Variants in PHF21A observed in about 807,000 individuals in gnomAD.
PHF21A encodes the protein PHD finger protein 21A, also known as BHC80a.
In PHF21A, 11 loss-of-function variants were observed where a neutral mutation model predicts 82.5. The ratio of observed to expected loss-of-function variants is 0.13; its 90% confidence interval spans 0.08 to 0.22. The LOEUF (loss-of-function observed/expected upper bound fraction) is 0.22, where lower values mean the gene tolerates loss of function less well. Among genes scored for constraint, PHF21A ranks in the 10% least tolerant of loss-of-function variants. PHF21A has a pLI of 1.00. For missense variants in PHF21A, 579 were observed against 837.8 expected (o/e 0.69, Z 3.81); for synonymous variants, 297 against 302.8 (o/e 0.98, Z 0.20).
At chr11:46,041,186 C>T (rs529714237) in intron 6 of PHF21A, among the ~76,000 whole-genome samples, 1 of 152,198 alleles carries the variant, frequency 6.6e-6, no homozygotes, top group South Asian at 2.1e-4. Context: ...AATACAGAAG[C>T]GGAAATAGTC....
chr11:45,981,940 CTTTTT>C (rs754937092), intron 6 of PHF21A, among the ~76,000 whole-genome samples: 91 of 78,278 alleles, frequency 1.2e-3, no homozygotes, highest in African/African-American at 4.1e-3. Context: ...TTTTGTTTTT[CTTTTT>C]TTTTTTTTTT....
In PHF21A at chr11:45,949,368, C is replaced by T. The variant is rs545525744; in HGVS notation, c.1227+34G>A. 366 of 1,562,626 alleles carry T rather than the reference C, an allele frequency of 2.3e-4. 6 individuals carry two copies. The South Asian group carries it at 3.9e-3, about 17-fold the overall frequency. On this transcript the variant is annotated intron_variant, in intron 13 of 18. Transcript: ENST00000676320. ...GAACAGCTCATAAATAAAACTGGAA[C>T]ATGAGGGAAGGGCCAGATGCTGGCC...
At chr11:45,944,846 A>C (rs1425619610) in intron 15 of PHF21A, among the ~76,000 whole-genome samples, 1 of 152,214 alleles carries the variant, frequency 6.6e-6, no homozygotes, top group Non-Finnish European at 1.5e-5. Context: ...TGCTCACTGC[A>C]ACCTCCGCCT....
intron 7 of PHF21A, among the ~76,000 whole-genome samples, chr11:45,979,409 A>G (rs2094184463): frequency 6.6e-6 from 1 of 152,240 alleles, no homozygotes; most frequent in Non-Finnish European, 1.5e-5. Flanking sequence ...ATTCCAGAAG[A>G]GGTCAAGTCA....
chr11:46,117,556 G>A (rs1851684549), intron 1 of PHF21A, among the ~76,000 whole-genome samples: 1 of 152,102 alleles, frequency 6.6e-6, no homozygotes, highest in Non-Finnish European at 1.5e-5. Flanking sequence ...CTGTAAATCC[G>A]AGGGGAAAAA....
At chr11:46,116,483 CA>C (rs1023355932) in intron 1 of PHF21A, 2 of 151,798 alleles carry the variant, frequency 1.3e-5, no homozygotes, top group Non-Finnish European at 2.9e-5. Flanking sequence ...CAACTACTAT[CA>C]CATCACATCA....
chr11:46,076,911 TGAAGCAACCC>T, intron 5 of PHF21A, 92 bp from the exon 6 acceptor site: 1 of 978,314 alleles, frequency 1.0e-6, no homozygotes, highest in African/African-American at 1.6e-5. Flanking sequence ...TTACAAATGA[TGAAGCAACCC>T]GAAGCATTTA....
chr11:45,982,077 C>G (rs1297112169), intron 6 of PHF21A, among the ~76,000 whole-genome samples: 2 of 151,318 alleles, frequency 1.3e-5, no homozygotes, highest in African/African-American at 4.9e-5. Context: ...TCACCTCAAC[C>G]TACCAAGTAG....
At chr11:46,056,796 G>A (rs2096464162) in intron 6 of PHF21A, among the ~76,000 whole-genome samples, 2 of 152,056 alleles carry the variant, frequency 1.3e-5, no homozygotes, top group Non-Finnish European at 2.9e-5. Context: ...TAGAATCCTT[G>A]TGCTTCCTGA....
At chr11:46,094,630 G>A (rs2096968780) in intron 1 of PHF21A, among the ~76,000 whole-genome samples, 1 of 152,178 alleles carries the variant, frequency 6.6e-6, no homozygotes, top group African/African-American at 2.4e-5. Context: ...AGTGGCTCAT[G>A]CCTGCACTCT....
chr11:46,052,212 T>C (rs1307612017), intron 6 of PHF21A, among the ~76,000 whole-genome samples: 1 of 152,122 alleles, frequency 6.6e-6, no homozygotes, highest in African/African-American at 2.4e-5. Context: ...CCCTCTTCAA[T>C]GGAGTTGATT....
At chr11:46,112,468 C>T (rs1162344033) in intron 1 of PHF21A, among the ~76,000 whole-genome samples, 1 of 152,134 alleles carries the variant, frequency 6.6e-6, no homozygotes, top group Non-Finnish European at 1.5e-5. Flanking sequence ...TAACAACCCT[C>T]TGATATTAGT....
chr11:46,022,490 C>T (rs909554498), intron 6 of PHF21A, among the ~76,000 whole-genome samples: 5 of 152,114 alleles, frequency 3.3e-5, no homozygotes, highest in Non-Finnish European at 5.9e-5. Context: ...AAGACAGGGT[C>T]TCCCTTTGTC....
At chr11:46,050,082 A>G (rs561756586) in intron 6 of PHF21A, among the ~76,000 whole-genome samples, 13 of 152,382 alleles carry the variant, frequency 8.5e-5, no homozygotes, top group Non-Finnish European at 1.3e-4. Context: ...CAGCAGAGTT[A>G]GCGATTGCCA....
intron 11 of PHF21A, among the ~76,000 whole-genome samples, chr11:45,952,266 G>A (rs534922362): frequency 2.0e-5 from 3 of 152,204 alleles, no homozygotes; most frequent in East Asian, 3.9e-4. Flanking sequence ...TGCCCACACT[G>A]GGTCTAGCTC....
chr11:45,963,524 T>C (rs1271323544), intron 10 of PHF21A, among the ~76,000 whole-genome samples: 2 of 152,084 alleles, frequency 1.3e-5, no homozygotes, highest in Non-Finnish European at 2.9e-5. Context: ...AAAAGTTTAC[T>C]CTCTCTTTAG....
At chr11:46,091,767 T>C (rs2096927290) in intron 2 of PHF21A, among the ~76,000 whole-genome samples, 1 of 152,226 alleles carries the variant, frequency 6.6e-6, no homozygotes, top group African/African-American at 2.4e-5. Context: ...AGCTTCAAGC[T>C]GGATGACTTG....
At chr11:45,972,977 C>T (rs560113058) in intron 7 of PHF21A, among the ~76,000 whole-genome samples, 2 of 152,138 alleles carry the variant, frequency 1.3e-5, no homozygotes, top group South Asian at 4.1e-4. Flanking sequence ...ACTCGGGAGG[C>T]TGAGGCAGGG....
intron 6 of PHF21A, among the ~76,000 whole-genome samples, chr11:45,989,407 C>G (rs372660566): frequency 1.5e-3 from 226 of 150,186 alleles, no homozygotes; most frequent in African/African-American, 4.7e-3. Context: ...ATAATCCCAG[C>G]ACTTTGGGAG....
Sources: allele counts gnomAD v4.1 joint callset (sites outside exome capture counted in the v4.1 genomes callset), GRCh38; gene constraint gnomAD v4.1.1; transcripts MANE v1.5; gene names NCBI Gene and HGNC (gene_info 2026-07-23, HGNC 2026-07-21).